DAB2IP: variants seen among roughly 807,000 people sequenced by gnomAD.
DAB2IP encodes the protein disabled homolog 2-interacting protein.
In DAB2IP, 28 loss-of-function variants were observed where a neutral mutation model predicts 107.2. The ratio of observed to expected loss-of-function variants is 0.26; its 90% CI spans 0.19 to 0.36. The LOEUF is 0.36. Ranked by LOEUF, DAB2IP falls within the 10% of genes least tolerant of loss-of-function variation. DAB2IP has a pLI of 1.00. For synonymous variants in DAB2IP, 755 were observed against 706.4 expected (o/e 1.07, Z -1.09); for missense variants, 1,400 against 1,644.7 (o/e 0.85, Z 2.57).
chr9:121,772,469 C>T lies in DAB2IP; in HGVS notation c.2079-138C>T, dbSNP rs968539327. Reference sequence around the variant, plus strand: ...GATTCTCCCACTCCTGCCACCCCAGCGCATCCATCTCCCCAGCGCTGGCTC... The same window carrying T: ...GATTCTCCCACTCCTGCCACCCCAGTGCATCCATCTCCCCAGCGCTGGCTC... On this transcript the variant is annotated intron_variant, in intron 11 of 15. Transcript: ENST00000408936. The surrounding 1 kb of genome is among the most constrained non-coding windows in gnomAD (Gnocchi z 4.7). The T allele has an allele frequency of 3.3e-5, 30 of 896,600 alleles. No homozygotes were observed. Among genetic ancestry groups the T allele is most frequent in the Admixed American group, 3.1e-4 (13 of 41,418 alleles). The allele number at this position is 896,600 out of a possible 1,614,324, so 55.5% of individuals were successfully genotyped here. A position where few individuals can be genotyped will look rare whatever the true frequency, so the allele number is the denominator to read the frequency against.
intron 2 of DAB2IP, among the ~76,000 whole-genome samples, chr9:121,693,433 G>A (rs1337138233): frequency 6.6e-6 from 1 of 152,254 alleles, no homozygotes; most frequent in East Asian, 1.9e-4. Flanking sequence ...GGATCTGGAT[G>A]GGATCTTCTC....
At chr9:121,723,835 A>G (rs1014704685) in intron 3 of DAB2IP, among the ~76,000 whole-genome samples, 1 of 152,092 alleles carries the variant, frequency 6.6e-6, no homozygotes, top group African/African-American at 2.4e-5. Flanking sequence ...CTCGGGGTGG[A>G]GCACTGGCTT....
chr9:121,681,244 G>A (rs982081708), intron 2 of DAB2IP, among the ~76,000 whole-genome samples: 4 of 152,130 alleles, frequency 2.6e-5, no homozygotes, highest in Non-Finnish European at 5.9e-5. Context: ...GCTAGGAGGC[G>A]GATCCATTGC....
chr9:121,631,740 C>T (rs983874560), intron 1 of DAB2IP, among the ~76,000 whole-genome samples: 4 of 147,064 alleles, frequency 2.7e-5, no homozygotes, highest in Non-Finnish European at 5.9e-5. Context: ...CGCTTGAACC[C>T]GGGAGGTGGA....
In DAB2IP at chr9:121,618,860, G is replaced by A. The variant is rs374283417; in HGVS notation, c.40+51632G>A. On this transcript the variant is annotated intron_variant, in intron 1 of 16. Transcript: ENST00000259371. ...CCTTTGCCTTGGTGGTGGGGGTGGCGGGGCAGGGGCTGTGTGTACGGCATC... is the reference window on the plus strand; with the variant it reads ...CCTTTGCCTTGGTGGTGGGGGTGGCAGGGCAGGGGCTGTGTGTACGGCATC... Among the ~76,000 whole-genome samples, 6 of 152,290 alleles carry A rather than the reference G, an allele frequency of 3.9e-5. 1 individual carries two copies. In the South Asian group the frequency reaches 6.2e-4, roughly 16 times the overall value.
rs1564134741 is a variant in DAB2IP, at chr9:121,651,723, T to TG, written c.-49dup. The stretch of plus-strand genomic sequence containing the variant: ...CCGCCGGGCTGTCCGGAGCGGCCGA[T>TG]GGGGCCCGTGTGAGCGCGCCCAGGC... On this transcript the variant is annotated 5_prime_UTR_variant, in exon 1 of 16. The change abolishes the stop of an existing upstream ORF in the 5' untranslated region. Transcript: ENST00000408936. This position sits in a 1 kb window ranked among gnomAD's most constrained non-coding sequence, Gnocchi z 5.1. The TG allele has an allele frequency of 8.4e-7, 1 of 1,192,458 alleles. No individual in the cohort carries two copies. The highest frequency in any genetic ancestry group is 1.6e-5 in the African/African-American group (1 of 62,570). The allele number at this position is 1,192,458 out of a possible 1,614,324, so 73.9% of individuals were successfully genotyped here. A position where few individuals can be genotyped will look rare whatever the true frequency, so the allele number is the denominator to read the frequency against.
At chr9:121,686,134 G>T (rs1031153575) in intron 2 of DAB2IP, among the ~76,000 whole-genome samples, 1 of 152,154 alleles carries the variant, frequency 6.6e-6, no homozygotes, top group Non-Finnish European at 1.5e-5. Flanking sequence ...CATGGGGTTG[G>T]GGGGACAAGC....
At chr9:121,780,503 A>G (rs1273480054) in intron 14 of DAB2IP, among the ~76,000 whole-genome samples, 3 of 152,184 alleles carry the variant, frequency 2.0e-5, no homozygotes, top group Non-Finnish European at 2.9e-5. Context: ...GGCTGGAGGA[A>G]TCAAGAGGGC....
rs762024841 is a variant in DAB2IP at position 121,699,361 on chromosome 9, C to T, written c.265C>T (p.Arg89Cys). 2.0e-6 allele frequency: 3 copies of T among 1,479,328 alleles called. No homozygotes were observed. In the South Asian group the frequency reaches 3.8e-5, roughly 19 times the overall value. 91.6% of individuals were successfully genotyped at this position (1,479,328 alleles called of 1,614,324 possible). ...CCGCCGCCTCAAGGGCTCCATCAAG[C>T]GCACCAAGAGCCAGCCCAAGCTGGA... Residue 89 changes from arginine (R) to cysteine (C), a missense_variant, in exon 3 of 16, where the codon CGC becomes TGC. By Grantham distance (180) the Arg-to-Cys change is radical. This residue lies in a region of DAB2IP where 283 missense variants were observed against 237.0 expected (regional missense o/e 1.19). Transcript: ENST00000408936. The surrounding 1 kb of genome is among the most constrained non-coding windows in gnomAD (Gnocchi z 6.2).
intron 3 of DAB2IP, chr9:121,737,534 G>C: frequency 1.0e-6 from 1 of 985,432 alleles, no homozygotes. Context: ...ACCACCCTTG[G>C]GAATGGGCCT....
At chr9:121,717,960 A>G (rs1282599871) in intron 3 of DAB2IP, among the ~76,000 whole-genome samples, 2 of 152,068 alleles carry the variant, frequency 1.3e-5, no homozygotes, top group African/African-American at 4.8e-5. Context: ...CCGGCATGTC[A>G]GGTGTGACCA....
intron 3 of DAB2IP, among the ~76,000 whole-genome samples, chr9:121,744,726 T>C (rs564245033): frequency 1.3e-5 from 2 of 152,338 alleles, no homozygotes; most frequent in Admixed American, 1.3e-4. Flanking sequence ...TGTTCCACCC[T>C]TGTGCCTGTG....
intron 1 of DAB2IP, among the ~76,000 whole-genome samples, chr9:121,603,266 G>A (rs1048122501): frequency 2.0e-5 from 3 of 152,216 alleles, no homozygotes; most frequent in Admixed American, 6.5e-5. Flanking sequence ...TGTCTGGCCC[G>A]AGGCTGCCTG....
Position 121,595,429 on chromosome 9 carries a change from C to CAACAAACA in DAB2IP, c.40+28216_40+28223dup, listed in dbSNP as rs34195743. ...GCAACATAGTGAGACCTTATCTCTA[C>CAACAAACA]AACAAACAAACAAACAAACAAAAAT... On this transcript the variant is annotated intron_variant, in intron 1 of 16. Coordinates refer to the DAB2IP transcript ENST00000259371. 5.4e-3 allele frequency among the ~76,000 whole-genome samples: 807 copies of CAACAAACA among 150,328 alleles called. 9 individuals are homozygous for CAACAAACA. The highest frequency in any genetic ancestry group is 0.017 in the African/African-American group (709 of 41,154).
At chr9:121,742,048 A>G (rs1187661384) in intron 3 of DAB2IP, among the ~76,000 whole-genome samples, 1 of 152,064 alleles carries the variant, frequency 6.6e-6, no homozygotes, top group Non-Finnish European at 1.5e-5. Context: ...ACAGAAACAG[A>G]GTGAGGGTGC....
Position 121,776,380 on chromosome 9 carries a change from C to A in DAB2IP, c.3303C>A (p.Gly1101=). 1 of 1,541,436 alleles carries A rather than the reference C, an allele frequency of 6.5e-7. No individual in the cohort carries two copies. The highest frequency in any genetic ancestry group is 1.2e-5 in the South Asian group (1 of 82,526). The change falls in exon 14 of 16, where the codon GGC becomes GGA. Residue 1101 remains glycine (G), a synonymous_variant. Coordinates refer to ENST00000408936, the Ensembl canonical transcript of DAB2IP. This position sits in a 1 kb window ranked among gnomAD's most constrained non-coding sequence, Gnocchi z 5.4. Reference sequence around the variant, plus strand: ...AGGACAAGGACATCCAGATGAAGGGCATCATCAGCAGGTGGGGCCCACACC... The same window carrying A: ...AGGACAAGGACATCCAGATGAAGGGAATCATCAGCAGGTGGGGCCCACACC...
chr9:121,643,377 C>A (rs1832428487), intron 1 of DAB2IP, among the ~76,000 whole-genome samples: 1 of 152,144 alleles, frequency 6.6e-6, no homozygotes, highest in African/African-American at 2.4e-5. Flanking sequence ...AGATCTCCCA[C>A]CAGAGTTCTG....
In DAB2IP at chr9:121,699,495, C is replaced by A. The variant is rs1400049853; in HGVS notation, c.362+37C>A. The A allele has an allele frequency of 8.0e-7, 1 of 1,246,662 alleles. No homozygotes were observed. Among genetic ancestry groups the A allele is most frequent in the Non-Finnish European group, 1.0e-6 (1 of 993,040 alleles). The allele number at this position is 1,246,662 out of a possible 1,614,324, so 77.2% of individuals were successfully genotyped here. A position where few individuals can be genotyped will look rare whatever the true frequency, so the allele number is the denominator to read the frequency against. ...GCCGCCGCCCGGTCCCCCGCGCCGC[C>A]GCCCCGGGCTGCGCCCCTGAGGACG... On this transcript the variant is annotated intron_variant, in intron 3 of 15. Coordinates refer to ENST00000408936, the Ensembl canonical transcript of DAB2IP. This position sits in a 1 kb window ranked among gnomAD's most constrained non-coding sequence, Gnocchi z 6.2.
chr9:121,606,337 C>A (rs113383817), intron 1 of DAB2IP, among the ~76,000 whole-genome samples: 4,652 of 151,974 alleles, frequency 0.031, 243 homozygotes, highest in African/African-American at 0.11. Flanking sequence ...GCACTCCAGC[C>A]TGGGTGACAG....
Sources: gnomAD v4.1 joint callset for allele counts (sites outside exome capture counted in the v4.1 genomes callset) on GRCh38, gnomAD v4.1.1 for gene constraint, gnomAD v4.1.1 regional missense constraint, Gnocchi (gnomAD v3.1) non-coding constraint, MANE v1.5 for transcripts, NCBI Gene and HGNC (gene_info 2026-07-23, HGNC 2026-07-21) for gene names.